The following TNNI3K variants were observed in gnomAD, a reference collection of about 807,000 sequenced individuals.
TNNI3K encodes TNNI3 interacting kinase, also known as serine/threonine-protein kinase TNNI3K.
In TNNI3K, 140 loss-of-function variants were observed where a neutral mutation model predicts 114.5. That is an observed-to-expected ratio of 1.22 (90% CI 1.07 to 1.41). TNNI3K has a LOEUF of 1.41. Among genes scored for constraint, TNNI3K ranks in the 40% most tolerant of loss-of-function variants. The pLI, the probability that TNNI3K is intolerant of heterozygous loss-of-function variation, is 0.00. For synonymous variants in TNNI3K, 347 were observed against 347.5 expected (o/e 1.00, Z 0.02); for missense variants, 1,125 against 1,007.6 (o/e 1.12, Z -1.58).
intron 2 of TNNI3K, among the ~76,000 whole-genome samples, chr1:74,247,075 T>TAG (rs1185160911): frequency 1.3e-5 from 2 of 152,180 alleles, no homozygotes; most frequent in African/African-American, 4.8e-5. Context: ...GGTGGGTTCT[T>TAG]GGTCTCACTG....
Position 74,540,274 on chromosome 1 carries a change from A to G in TNNI3K, c.2392A>G (p.Met798Val), listed in dbSNP as rs377332604. ...YSSQGLSLEE[M>V]KRSLQYTPID... is the part of the protein sequence containing the mutation. Reference sequence around the variant, plus strand: ...CTCTCAAGGTCTGTCTTTGGAGGAGATGAAAAGAAGTCTTCAATACACACC... The same window carrying G: ...CTCTCAAGGTCTGTCTTTGGAGGAGGTGAAAAGAAGTCTTCAATACACACC... The change falls in exon 24 of 25, where the codon ATG becomes GTG. Residue 798 changes from methionine (M) to valine (V), a missense_variant. By Grantham distance (21) the Met-to-Val change is conservative. Transcript: ENST00000326637. The G allele has an allele frequency of 2.5e-6, 4 of 1,612,624 alleles. No homozygotes were observed. The highest frequency in any genetic ancestry group is 1.6e-4 in the Middle Eastern group (1 of 6,070).
At chr1:74,360,231 C>T (rs1661886936) in intron 11 of TNNI3K, among the ~76,000 whole-genome samples, 1 of 151,874 alleles carries the variant, frequency 6.6e-6, no homozygotes, top group Non-Finnish European at 1.5e-5. Flanking sequence ...GAGATATATT[C>T]AAGGTGCAAA....
At chr1:74,498,549 T>C (rs541816178) in intron 23 of TNNI3K, among the ~76,000 whole-genome samples, 1 of 152,288 alleles carries the variant, frequency 6.6e-6, no homozygotes, top group African/African-American at 2.4e-5. Context: ...TATTTTTATT[T>C]ATAATAAACT....
At chr1:74,475,821 T>G (rs748048919) in intron 21 of TNNI3K, 2 of 576,000 alleles carry the variant, frequency 3.5e-6, no homozygotes, top group Non-Finnish European at 6.3e-6. Context: ...CTATGACAAA[T>G]AGAGAGACCA....
chr1:74,411,516 C>A (rs1000644718), intron 17 of TNNI3K, among the ~76,000 whole-genome samples: 2 of 152,238 alleles, frequency 1.3e-5, no homozygotes, highest in Non-Finnish European at 1.5e-5. Flanking sequence ...CCCCCTCCCC[C>A]ACCCTGACAC....
At chr1:74,377,693 A>G (rs1008375705) in intron 17 of TNNI3K, among the ~76,000 whole-genome samples, 4 of 152,020 alleles carry the variant, frequency 2.6e-5, no homozygotes, top group African/African-American at 9.7e-5. Context: ...GTTGTCTGAT[A>G]TTAAAACTTT....
In TNNI3K at chr1:74,370,661, C is replaced by A. The variant is rs1570535689; in HGVS notation, c.1772+269C>A. On this transcript the variant is annotated intron_variant, in intron 17 of 24. Transcript: ENST00000326637. ...TGTAAGATGCACCAGCTAACTAGTT[C>A]CCAGGTCAGTAAGGTCACATCAAGC... The A allele has an allele frequency of 1.2e-4, 30 of 251,626 alleles. 1 individual carries two copies. The East Asian group carries it at 2.2e-3, about 18-fold the overall frequency. The allele number at this position is 251,626 out of a possible 1,614,324, so 15.6% of individuals were successfully genotyped here.
intron 23 of TNNI3K, among the ~76,000 whole-genome samples, chr1:74,514,492 A>G (rs1646319820): frequency 6.6e-6 from 1 of 152,216 alleles, no homozygotes; most frequent in South Asian, 2.1e-4. Flanking sequence ...CTTAAGAAGA[A>G]AAGTCTTGAT....
chr1:74,541,219 G>A lies in TNNI3K; in HGVS notation c.2431+906G>A, dbSNP rs370236993. The stretch of plus-strand genomic sequence containing the variant: ...GGGGCAATAGACCTGGGAGACCCTC[G>A]GCTTTGGGATCCTCACCAATTCACC... On this transcript the variant is annotated intron_variant, in intron 24 of 24. Coordinates refer to ENST00000326637, the MANE Select transcript of TNNI3K (RefSeq NM_015978.3). Among the ~76,000 whole-genome samples the A allele has an allele frequency of 1.8e-4, 28 of 152,224 alleles. No homozygotes were observed. In the East Asian group the frequency reaches 2.5e-3, roughly 14 times the overall value.
intron 5 of TNNI3K, among the ~76,000 whole-genome samples, chr1:74,288,857 G>A (rs1358758552): frequency 6.6e-6 from 1 of 151,954 alleles, no homozygotes; most frequent in Non-Finnish European, 1.5e-5. Flanking sequence ...ATATAAATCA[G>A]TCAAAGCATC....
At chr1:74,464,744 C>T in intron 21 of TNNI3K, 1 of 1,570,052 alleles carries the variant, frequency 6.4e-7, no homozygotes, top group Non-Finnish European at 8.6e-7. Context: ...AGAAGATAAC[C>T]TCTTATCCTG....
At chr1:74,425,402 T>G (rs1570604559) in intron 17 of TNNI3K, among the ~76,000 whole-genome samples, 1 of 152,250 alleles carries the variant, frequency 6.6e-6, no homozygotes, top group East Asian at 1.9e-4. Flanking sequence ...GTTTTAAGTC[T>G]CAGCAAGTTT....
chr1:74,478,926 T>G (rs1232626090), intron 21 of TNNI3K, among the ~76,000 whole-genome samples: 1 of 152,154 alleles, frequency 6.6e-6, no homozygotes. Flanking sequence ...AGAATTTATT[T>G]TCCTAACATT....
At chr1:74,445,978 T>C (rs1666648482) in intron 20 of TNNI3K, among the ~76,000 whole-genome samples, 1 of 152,178 alleles carries the variant, frequency 6.6e-6, no homozygotes, top group African/African-American at 2.4e-5. Flanking sequence ...TTTGCTAGTG[T>C]GAATAATGCC....
intron 17 of TNNI3K, among the ~76,000 whole-genome samples, chr1:74,395,084 A>G (rs1664010108): frequency 6.6e-6 from 1 of 151,912 alleles, no homozygotes; most frequent in South Asian, 2.1e-4. Flanking sequence ...CCCCTACACA[A>G]CAACTGATAG....
intron 21 of TNNI3K, among the ~76,000 whole-genome samples, chr1:74,473,476 T>G (rs914024090): frequency 1.3e-5 from 2 of 152,130 alleles, no homozygotes; most frequent in African/African-American, 4.8e-5. Flanking sequence ...AAATCTTAAC[T>G]GCAAAACATC....
intron 5 of TNNI3K, among the ~76,000 whole-genome samples, chr1:74,287,730 C>T (rs508210): frequency 1 from 151,888 of 152,290 alleles, 75,745 homozygotes; most frequent in Middle Eastern, 1. Flanking sequence ...AAGAGATTAA[C>T]AGGATTGCAT....
At chr1:74,386,165 A>G (rs1277787642) in intron 17 of TNNI3K, among the ~76,000 whole-genome samples, 1 of 152,216 alleles carries the variant, frequency 6.6e-6, no homozygotes, top group Non-Finnish European at 1.5e-5. Context: ...GCCTCCAGCC[A>G]TGTGGAACCG....
chr1:74,326,938 G>A (rs1405507987), intron 5 of TNNI3K, among the ~76,000 whole-genome samples: 4 of 151,876 alleles, frequency 2.6e-5, no homozygotes, highest in Non-Finnish European at 5.9e-5. Flanking sequence ...AAAATTAGCT[G>A]GGCGTGGTGG....
Sources: gnomAD v4.1 joint callset for allele counts (sites outside exome capture counted in the v4.1 genomes callset) on GRCh38, gnomAD v4.1.1 for gene constraint, MANE v1.5 for transcripts, NCBI Gene and HGNC (gene_info 2026-07-23, HGNC 2026-07-21) for gene names.